Variants in RGS17 observed in about 807,000 individuals in gnomAD.
RGS17 encodes regulator of G-protein signaling 17.
Under a neutral mutation model 25.5 loss-of-function variants are expected in RGS17, and 12 were observed. That is an observed-to-expected ratio of 0.47 (90% CI 0.30 to 0.76). The LOEUF (loss-of-function observed/expected upper bound fraction) is 0.76. RGS17 is among the 30% of genes least tolerant of loss of function. The pLI is 0.07. For missense variants in RGS17, 196 were observed against 242.2 expected, an observed-to-expected ratio of 0.81 and a Z score of 1.27; for synonymous variants, 71 against 76.9, an observed-to-expected ratio of 0.92 and a Z score of 0.40.
At chr6:153,127,526 T>C (rs773203809) in intron 1 of RGS17, among the ~76,000 whole-genome samples, 1 of 152,122 alleles carries the variant, frequency 6.6e-6, no homozygotes, top group African/African-American at 2.4e-5. Context: ...CAGGACAGAT[T>C]AGTAACTTGC....
chr6:153,123,524 C>T (rs749542865), intron 1 of RGS17, among the ~76,000 whole-genome samples: 2 of 152,124 alleles, frequency 1.3e-5, no homozygotes, highest in Non-Finnish European at 2.9e-5. Context: ...CTTTCCAGAT[C>T]GGAGCAAATC....
intron 4 of RGS17, among the ~76,000 whole-genome samples, chr6:153,012,197 G>A (rs1003691393): frequency 1.3e-5 from 2 of 152,156 alleles, no homozygotes; most frequent in African/African-American, 4.8e-5. Context: ...AAATTAACAT[G>A]CATATAAAAT....
At chr6:153,058,181 T>A (rs1027491247) in intron 1 of RGS17, among the ~76,000 whole-genome samples, 1 of 152,210 alleles carries the variant, frequency 6.6e-6, no homozygotes, top group Non-Finnish European at 1.5e-5. Flanking sequence ...ATGTGGTAGC[T>A]CTTTCAAGGT....
chr6:153,097,263 T>A (rs1777227866), intron 1 of RGS17, among the ~76,000 whole-genome samples: 1 of 150,950 alleles, frequency 6.6e-6, no homozygotes, highest in African/African-American at 2.4e-5. Context: ...ATGTGCTTGG[T>A]AGGGCTTAGA....
intron 2 of RGS17, among the ~76,000 whole-genome samples, chr6:153,039,894 A>G (rs1776301011): frequency 6.6e-6 from 1 of 152,226 alleles, no homozygotes; most frequent in Non-Finnish European, 1.5e-5. Context: ...AGCCTTCAGT[A>G]TCTTTCAAAG....
At chr6:153,045,907 C>T (rs2099809785) in intron 1 of RGS17, among the ~76,000 whole-genome samples, 1 of 152,106 alleles carries the variant, frequency 6.6e-6, no homozygotes, top group African/African-American at 2.4e-5. Context: ...GACTGCAGCA[C>T]TATTCACAAT....
At chr6:153,046,587 CA>C (rs1776387347) in intron 1 of RGS17, among the ~76,000 whole-genome samples, 1 of 151,812 alleles carries the variant, frequency 6.6e-6, no homozygotes, top group Non-Finnish European at 1.5e-5. Context: ...AATGTAAAAA[CA>C]AACACAAATA....
At chr6:153,120,475 T>C (rs1430288347) in intron 1 of RGS17, among the ~76,000 whole-genome samples, 1 of 152,210 alleles carries the variant, frequency 6.6e-6, no homozygotes, top group Non-Finnish European at 1.5e-5. Context: ...CACATCATCA[T>C]CTTCCCATGG....
At chr6:153,046,972 T>C (rs1356047741) in intron 1 of RGS17, among the ~76,000 whole-genome samples, 1 of 152,160 alleles carries the variant, frequency 6.6e-6, no homozygotes, top group Non-Finnish European at 1.5e-5. Flanking sequence ...ATCTAGATGA[T>C]AAAGACAAAA....
chr6:153,112,279 C>G (rs1777481983), intron 1 of RGS17, among the ~76,000 whole-genome samples: 1 of 152,062 alleles, frequency 6.6e-6, no homozygotes, highest in South Asian at 2.1e-4. Context: ...GTGAAGCATA[C>G]ACAAGAATCA....
At chr6:153,037,704 A>G (rs1463398949) in intron 2 of RGS17, among the ~76,000 whole-genome samples, 1 of 151,980 alleles carries the variant, frequency 6.6e-6, no homozygotes, top group Non-Finnish European at 1.5e-5. Context: ...GATTACAGGC[A>G]TAAGCCACCA....
intron 3 of RGS17, among the ~76,000 whole-genome samples, chr6:153,025,663 T>TATATATAAAC (rs1779292427): frequency 8.4e-6 from 1 of 118,950 alleles, no homozygotes; most frequent in Non-Finnish European, 1.7e-5. Flanking sequence ...TATAAAAACA[T>TATATATAAAC]ATATATATAA....
chr6:153,073,688 T>A (rs544002123), intron 1 of RGS17, among the ~76,000 whole-genome samples: 1 of 152,016 alleles, frequency 6.6e-6, no homozygotes, highest in Non-Finnish European at 1.5e-5. Flanking sequence ...TATAGGTAGG[T>A]CAAGAGAAGC....
In RGS17 at chr6:153,011,524, A is replaced by AC; in HGVS notation, c.*49dup. The AC allele has an allele frequency of 7.9e-7, 1 of 1,270,764 alleles. No homozygotes were observed. The highest frequency in any genetic ancestry group is 1.1e-6 in the Non-Finnish European group (1 of 888,858). 78.7% of individuals were successfully genotyped at this position (1,270,764 alleles called of 1,614,324 possible). On this transcript the variant is annotated 3_prime_UTR_variant, in exon 5 of 5. Transcript: ENST00000206262. ...ACTCAGTTTCTGATGTTATTTAACTACTTTTATTTCCCATCTCAGCCCTCC... is the reference window on the plus strand; with the variant it reads ...ACTCAGTTTCTGATGTTATTTAACTACCTTTTATTTCCCATCTCAGCCCTCC...
chr6:153,052,910 C>A (rs1776482357), intron 1 of RGS17, among the ~76,000 whole-genome samples: 1 of 152,034 alleles, frequency 6.6e-6, no homozygotes, highest in Non-Finnish European at 1.5e-5. Context: ...AAAAAAGGGA[C>A]CCCCAGATTA....
intron 1 of RGS17, among the ~76,000 whole-genome samples, chr6:153,115,194 C>T (rs1257529748): frequency 2.6e-5 from 4 of 152,176 alleles, no homozygotes; most frequent in Admixed American, 6.5e-5. Context: ...ATCATTTCAG[C>T]CCAATATCTC....
chr6:153,095,578 T>C (rs2129122377), intron 1 of RGS17, among the ~76,000 whole-genome samples: 1 of 152,248 alleles, frequency 6.6e-6, no homozygotes, highest in South Asian at 2.1e-4. Flanking sequence ...GATATAAAAT[T>C]GAATTTCGAA....
At position 153,024,388 on chromosome 6, in the gene RGS17, G is replaced by A; in HGVS notation, c.318C>T (p.Tyr106=). Residue 106 remains tyrosine (Y), a synonymous_variant, in exon 4 of 5, where the codon TAC becomes TAT. Transcript: ENST00000206262. ...GCCAGAAAAGTAGGTTCTCTTCACT[G>A]TATTCTGTTCGGAGGAACTCTCTGA... ...NLFREFLRTE[Y]SEENLLFWLA... 6.2e-7 allele frequency: 1 copy of A among 1,614,068 alleles called. No homozygotes were observed. Among genetic ancestry groups the A allele is most frequent in the Non-Finnish European group, 8.5e-7 (1 of 1,179,930 alleles).
intron 1 of RGS17, among the ~76,000 whole-genome samples, chr6:153,083,755 T>C (rs1264027063): frequency 6.6e-6 from 1 of 152,172 alleles, no homozygotes; most frequent in African/African-American, 2.4e-5. Context: ...AAGAAAAATC[T>C]GAAATGGCAA....
Sources: gnomAD v4.1 joint callset for allele counts (sites outside exome capture counted in the v4.1 genomes callset) on GRCh38, gnomAD v4.1.1 for gene constraint, MANE v1.5 for transcripts, NCBI Gene and HGNC (gene_info 2026-07-23, HGNC 2026-07-21) for gene names.